KLF8: variants seen among roughly 807,000 people sequenced by gnomAD.
KLF8 encodes the protein Krueppel-like factor 8.
KLF8 carries 10 observed loss-of-function variants against 18.2 expected under a neutral mutation model. The ratio of observed to expected loss-of-function variants is 0.55; its 90% CI spans 0.34 to 0.93. The LOEUF (loss-of-function observed/expected upper bound fraction) is 0.93, where lower values mean the gene tolerates loss of function less well. KLF8 is among the 40% of genes least tolerant of loss of function. KLF8 has a pLI of 0.02. For missense variants in KLF8, 264 were observed against 277.9 expected, an observed-to-expected ratio of 0.95 and a Z score of 0.36; for synonymous variants, 109 against 97.3, an observed-to-expected ratio of 1.12 and a Z score of -0.71.
At chrX:56,119,940 G>T in the KLF8 span, among the ~76,000 whole-genome samples, 1 of 109,027 alleles carries the variant, frequency 9.2e-6, no homozygotes, top group South Asian at 4.0e-4. Context: ...CCACGTAGTT[G>T]ATGGTTACTC....
At chrX:56,267,057 G>A in intron 3 of KLF8, 3 of 754,326 alleles carry the variant, frequency 4.0e-6, no homozygotes, top group Non-Finnish European at 4.7e-6. Context: ...AATTCCTCGT[G>A]TGACAGTTTA....
the KLF8 span, among the ~76,000 whole-genome samples, chrX:56,162,732 C>T: frequency 5.4e-5 from 6 of 111,241 alleles, no homozygotes; most frequent in Non-Finnish European, 1.1e-4. Context: ...GAGGTGATGC[C>T]TCGCCCTGCT....
the KLF8 span, among the ~76,000 whole-genome samples, chrX:56,169,708 C>T: frequency 2.7e-5 from 3 of 111,150 alleles, no homozygotes; most frequent in African/African-American, 9.8e-5. Flanking sequence ...GTTTTTTTGA[C>T]TCCAGTCCCT....
the KLF8 span, among the ~76,000 whole-genome samples, chrX:55,993,950 G>C: frequency 1.0e-5 from 1 of 98,637 alleles, no homozygotes; most frequent in Non-Finnish European, 2.0e-5. Context: ...TTGCTCTGTT[G>C]CCCAGGCTGG....
chrX:56,269,231 C>A (rs765556690), intron 3 of KLF8, 147 bp from the exon 4 acceptor site: 3 of 1,050,050 alleles, frequency 2.9e-6, no homozygotes, highest in Non-Finnish European at 2.4e-6. Flanking sequence ...TCCTTCCATG[C>A]AAATACACTT....
At chrX:56,061,986 C>CTTTTTTTTTTTTTTTTT in the KLF8 span, among the ~76,000 whole-genome samples, 6 of 57,119 alleles carry the variant, frequency 1.1e-4, 1 homozygote, top group African/African-American at 6.7e-4. Flanking sequence ...GCAACCCCTG[C>CTTTTTTTTTTTTTTTTT]TTTTTTTTTT....
At chrX:56,181,259 G>GT in the KLF8 span, among the ~76,000 whole-genome samples, 11 of 110,535 alleles carry the variant, frequency 1.0e-4, no homozygotes, top group South Asian at 3.1e-3. Context: ...TTTAAAGTCT[G>GT]TTTTTTTCAG....
At chrX:56,136,060 T>A in the KLF8 span, among the ~76,000 whole-genome samples, 1 of 111,146 alleles carries the variant, frequency 9.0e-6, no homozygotes, top group Non-Finnish European at 1.9e-5. Context: ...GAAGGACCTC[T>A]TCAAGGAGAA....
At chrX:56,052,347 G>T in the KLF8 span, among the ~76,000 whole-genome samples, 1 of 112,050 alleles carries the variant, frequency 8.9e-6, no homozygotes, top group Non-Finnish European at 1.9e-5. Context: ...GAGGTGCTCT[G>T]CTTTTTAGAG....
the KLF8 span, among the ~76,000 whole-genome samples, chrX:56,174,268 C>A: frequency 2.7e-5 from 3 of 111,720 alleles, no homozygotes; most frequent in Non-Finnish European, 5.6e-5. Context: ...GAGATACGTC[C>A]CATCAATACC....
chrX:56,261,423 A>G (rs2066881608), intron 2 of KLF8, among the ~76,000 whole-genome samples: 1 of 111,996 alleles, frequency 8.9e-6, no homozygotes, highest in African/African-American at 3.2e-5. Flanking sequence ...TTAAAAACTG[A>G]AGCCATCACA....
the KLF8 span, among the ~76,000 whole-genome samples, chrX:56,080,113 C>T: frequency 1.5e-4 from 17 of 111,267 alleles, no homozygotes; most frequent in Non-Finnish European, 3.2e-4. Flanking sequence ...ATTTGCCAGT[C>T]TGTGTCTTTT....
chrX:56,067,095 G>T, the KLF8 span, among the ~76,000 whole-genome samples: 1 of 107,891 alleles, frequency 9.3e-6, no homozygotes, highest in Non-Finnish European at 1.9e-5. Flanking sequence ...TTAAATTTCA[G>T]CATTCTGTCT....
chrX:56,283,327 C>T (rs2067225264), intron 5 of KLF8, among the ~76,000 whole-genome samples: 1 of 111,826 alleles, frequency 8.9e-6, no homozygotes, highest in East Asian at 2.8e-4. Flanking sequence ...AGGGCCCTTT[C>T]CAATGAATCA....
At chrX:56,061,022 G>A in the KLF8 span, among the ~76,000 whole-genome samples, 1 of 111,266 alleles carries the variant, frequency 9.0e-6, no homozygotes, top group African/African-American at 3.3e-5. Context: ...TTGTATTTCT[G>A]TGGGATCAGA....
the KLF8 span, among the ~76,000 whole-genome samples, chrX:56,220,252 T>C: frequency 1.8e-5 from 2 of 111,833 alleles, no homozygotes; most frequent in Non-Finnish European, 3.8e-5. Context: ...ATTGCAATCA[T>C]TGCTATTAGT....
rs2067245968 is a variant in KLF8 at position 56,284,452 on chromosome X, T to C, written c.1038T>C (p.Ser346=). 1 of 1,206,324 alleles carries C rather than the reference T, an allele frequency of 8.3e-7. No individual in the cohort carries two copies. The highest frequency in any genetic ancestry group is 1.1e-6 in the Non-Finnish European group (1 of 893,206). The stretch of plus-strand genomic sequence containing the variant: ...ACTGCAACCGCAGCTTTTCTCGTTC[T>C]GACCACCTGTCCCTGCATCGCCGTC... ...CTDCNRSFSR[S]DHLSLHRRRH... The change falls in exon 6 of 6, where the codon TCT becomes TCC. Residue 346 remains serine, a synonymous_variant. Transcript: ENST00000468660.
At chrX:55,921,813 A>G in the KLF8 span, among the ~76,000 whole-genome samples, 2 of 112,470 alleles carry the variant, frequency 1.8e-5, no homozygotes, top group Non-Finnish European at 3.8e-5. Context: ...GGACATGAAT[A>G]GACACTTCTC....
the KLF8 span, among the ~76,000 whole-genome samples, chrX:56,174,261 A>G: frequency 9.0e-6 from 1 of 111,725 alleles, no homozygotes; most frequent in Non-Finnish European, 1.9e-5. Flanking sequence ...TTATTTGGAG[A>G]TACGTCCCAT....
Sources: gnomAD v4.1 joint callset for allele counts (sites outside exome capture counted in the v4.1 genomes callset) on GRCh38, gnomAD v4.1.1 for gene constraint, MANE v1.5 for transcripts, NCBI Gene and HGNC (gene_info 2026-07-23, HGNC 2026-07-21) for gene names.